ANKS3: variants seen among roughly 807,000 people sequenced by gnomAD.
The protein encoded by ANKS3 is ankyrin repeat and sterile alpha motif domain containing 3.
A neutral mutation model predicts 80.7 loss-of-function variants in ANKS3; 62 were observed. The ratio of observed to expected loss-of-function variants is 0.77; its 90% CI spans 0.63 to 0.95. ANKS3 has a LOEUF of 0.95. ANKS3 is among the 40% of genes least tolerant of loss of function. The pLI is 0.00. For missense variants in ANKS3, 1,150 were observed against 883.6 expected, an observed-to-expected ratio of 1.30 and a Z score of -3.82; for synonymous variants, 489 against 355.3, an observed-to-expected ratio of 1.38 and a Z score of -4.23.
chr16:4,714,495 T>C (rs1201556793), intron 6 of ANKS3, among the ~76,000 whole-genome samples: 2 of 152,250 alleles, frequency 1.3e-5, no homozygotes, highest in Non-Finnish European at 2.9e-5. Flanking sequence ...CTTCTGCGCC[T>C]GGGCTGTGTC....
At chr16:4,705,612 G>A (rs902117172) in intron 7 of ANKS3, among the ~76,000 whole-genome samples, 4 of 152,100 alleles carry the variant, frequency 2.6e-5, no homozygotes, top group East Asian at 1.9e-4. Flanking sequence ...TTACAGATGC[G>A]TGCCACCATG....
rs182492318 is a variant in ANKS3 at position 4,724,011 on chromosome 16, G to A, written c.573+739C>T. 2.6e-3 allele frequency among the ~76,000 whole-genome samples: 403 copies of A among 152,250 alleles called. 3 individuals are homozygous for A. Among genetic ancestry groups the A allele is most frequent in the African/African-American group, 9.0e-3 (375 of 41,530 alleles). On this transcript the variant is annotated intron_variant, in intron 6 of 17. Coordinates refer to ENST00000304283, the MANE Select transcript of ANKS3 (RefSeq NM_133450.4). The stretch of plus-strand genomic sequence containing the variant: ...GGAGGCTGAAGCTGCAGTGAGCCAC[G>A]ATCTCGCCACTGAACTCCAGCCTGG...
chr16:4,699,234 T>A (rs913411812), intron 11 of ANKS3, 58 bp from the exon 12 acceptor site: 2 of 1,590,132 alleles, frequency 1.3e-6, no homozygotes, highest in Non-Finnish European at 1.7e-6. Context: ...AGCAGAGACG[T>A]TTTCCTCCAC....
At position 4,730,038 on chromosome 16, in the gene ANKS3, C is replaced by A; in HGVS notation, c.112G>T (p.Asp38Tyr). Residue 38 changes from aspartate (D) to tyrosine (Y), a missense_variant, in exon 3 of 18, where the codon GAT becomes TAT. By Grantham distance (160) the Asp-to-Tyr change is radical (BLOSUM62 -3). Coordinates refer to ENST00000304283, the MANE Select transcript of ANKS3 (RefSeq NM_133450.4). Reference sequence around the variant, plus strand: ...CCAATGGAAGCAGCTGTGTGAAGATCCAGGGGGACATCCAGCTCCTCCCCG... The same window carrying A: ...CCAATGGAAGCAGCTGTGTGAAGATACAGGGGGACATCCAGCTCCTCCCCG... ...VSGEELDVPL[D>Y]LHTAASIGQY... 1 of 1,588,780 alleles carries A rather than the reference C, an allele frequency of 6.3e-7. No individual in the cohort carries two copies. The highest frequency in any genetic ancestry group is 8.6e-7 in the Non-Finnish European group (1 of 1,164,662).
chr16:4,714,141 T>A lies in ANKS3; in HGVS notation c.619A>T (p.Met207Leu). 6.2e-7 allele frequency: 1 copy of A among 1,614,150 alleles called. No homozygotes were observed. Among genetic ancestry groups the A allele is most frequent in the Non-Finnish European group, 8.5e-7 (1 of 1,180,020 alleles). ...ATGTGTCCGTACTGCTTGGCCAGCA[T>A]CCGGGCTGTGGCTCCACTGTGGTCT... ...ARDHSGATARMLAKQYGHMKI... is the reference protein window; with the variant it reads ...ARDHSGATARLLAKQYGHMKI... Residue 207 changes from methionine to leucine, a missense_variant, in exon 7 of 18, where the codon ATG (methionine) becomes TTG (leucine). Met to Leu is a conservative substitution (Grantham distance 15, BLOSUM62 2). Coordinates refer to ENST00000304283, the MANE Select transcript of ANKS3 (RefSeq NM_133450.4).
Position 4,699,123 on chromosome 16 carries a change from A to T in ANKS3, c.1338T>A (p.Phe446Leu), listed in dbSNP as rs144602666. ...QIGCLKYLQV[F>L]EEQDVDLRIF... Reference sequence around the variant, plus strand: ...TGCGGAGGTCCACGTCCTGCTCCTCAAACACCTGCAGGTACTTCAGACACC... The same window carrying T: ...TGCGGAGGTCCACGTCCTGCTCCTCTAACACCTGCAGGTACTTCAGACACC... The change falls in exon 12 of 18, where the codon TTT becomes TTA. Residue 446 changes from phenylalanine to leucine, a missense_variant. Transcript: ENST00000304283. 6 of 1,613,938 alleles carry T rather than the reference A, an allele frequency of 3.7e-6. No homozygotes were observed. The Admixed American group carries it at 1.0e-4, about 27-fold the overall frequency.
chr16:4,732,925 T>C (rs1254320227), intron 1 of ANKS3, among the ~76,000 whole-genome samples: 3 of 152,008 alleles, frequency 2.0e-5, no homozygotes, highest in Non-Finnish European at 4.4e-5. Context: ...TGCAAAAACA[T>C]GGATGGAAGC....
chr16:4,707,886 G>A (rs1473117616), intron 7 of ANKS3, among the ~76,000 whole-genome samples: 2 of 152,002 alleles, frequency 1.3e-5, no homozygotes, highest in Non-Finnish European at 2.9e-5. Flanking sequence ...CGAGGTGGGC[G>A]GATCACTTGA....
chr16:4,714,130 C>T lies in ANKS3; in HGVS notation c.630G>A (p.Lys210=). ...CCACGATCTTCATGTGTCCGTACTGCTTGGCCAGCATCCGGGCTGTGGCTC... is the reference window on the plus strand; with the variant it reads ...CCACGATCTTCATGTGTCCGTACTGTTTGGCCAGCATCCGGGCTGTGGCTC... ...HSGATARMLA[K]QYGHMKIVAL... is the part of the protein sequence containing the mutation. The change falls in exon 7 of 18, where the codon AAG becomes AAA. Residue 210 remains lysine, a synonymous_variant. Coordinates refer to ENST00000304283, the MANE Select transcript of ANKS3 (RefSeq NM_133450.4). 1.9e-6 allele frequency: 3 copies of T among 1,614,188 alleles called. No individual in the cohort carries two copies. The highest frequency in any genetic ancestry group is 2.5e-6 in the Non-Finnish European group (3 of 1,180,036).
At chr16:4,721,002 A>T (rs1164791079) in intron 6 of ANKS3, among the ~76,000 whole-genome samples, 17 of 122,314 alleles carry the variant, frequency 1.4e-4, no homozygotes, top group Admixed American at 2.5e-4. Context: ...ATGCCACCAT[A>T]AAAAAAAAAA....
At chr16:4,732,058 C>T (rs1323315771) in intron 1 of ANKS3, among the ~76,000 whole-genome samples, 1 of 152,160 alleles carries the variant, frequency 6.6e-6, no homozygotes, top group East Asian at 1.9e-4. Flanking sequence ...AGGTGACAGC[C>T]AAGATGGCTA....
intron 13 of ANKS3, 36 bp from the exon 14 acceptor site, chr16:4,698,635 G>C: frequency 6.5e-7 from 1 of 1,535,720 alleles, no homozygotes; most frequent in Non-Finnish European, 8.7e-7. Flanking sequence ...AGGCTGGGAG[G>C]TGGCCGGTCA....
intron 3 of ANKS3, among the ~76,000 whole-genome samples, chr16:4,729,081 G>C (rs1025284914): frequency 2.6e-5 from 4 of 152,232 alleles, no homozygotes; most frequent in Admixed American, 1.3e-4. Context: ...TGGAACATAA[G>C]GGGGTGGAAG....
rs947237286 is a variant in ANKS3, at chr16:4,696,750, C to T, written c.*158G>A. 1.5e-5 allele frequency: 8 copies of T among 536,500 alleles called. No individual in the cohort carries two copies. Among genetic ancestry groups the T allele is most frequent in the African/African-American group, 7.6e-5 (4 of 52,394 alleles). 33.2% of individuals were successfully genotyped at this position (536,500 alleles called of 1,614,324 possible). On this transcript the variant is annotated 3_prime_UTR_variant, in exon 18 of 18. Coordinates refer to ENST00000304283, the MANE Select transcript of ANKS3 (RefSeq NM_133450.4). Reference sequence around the variant, plus strand: ...GCTGCCGAGCCAGGGCCGCAGCCCCCGTCTTGCCTCTGTCTGCCGGCTGCT... The same window carrying T: ...GCTGCCGAGCCAGGGCCGCAGCCCCTGTCTTGCCTCTGTCTGCCGGCTGCT...
intron 1 of ANKS3, among the ~76,000 whole-genome samples, chr16:4,732,607 G>A (rs1466432238): frequency 1.3e-5 from 2 of 151,298 alleles, no homozygotes; most frequent in African/African-American, 4.8e-5. Context: ...GCTTGAGCCT[G>A]GGAGGCGATT....
Position 4,698,949 on chromosome 16 carries a change from G to A in ANKS3, c.1410-8C>T. The A allele has an allele frequency of 6.2e-7, 1 of 1,605,900 alleles. No homozygotes were observed. Among genetic ancestry groups the A allele is most frequent in the Non-Finnish European group, 8.5e-7 (1 of 1,174,520 alleles). On this transcript the variant is annotated splice_polypyrimidine_tract_variant and splice_region_variant and intron_variant, in intron 12 of 17. Transcript: ENST00000304283. ...CTCTTGGGCCCAAACAGCCTGCGGG[G>A]GGAATGTGACCAGGATATGCCTCAG...
At chr16:4,723,189 C>G (rs1244195313) in intron 6 of ANKS3, among the ~76,000 whole-genome samples, 1 of 152,188 alleles carries the variant, frequency 6.6e-6, no homozygotes, top group Non-Finnish European at 1.5e-5. Flanking sequence ...ACCAACAAGT[C>G]ACCCACTTAC....
At chr16:4,730,382 A>G (rs576122674) in intron 2 of ANKS3, 2 of 375,546 alleles carry the variant, frequency 5.3e-6, no homozygotes, top group South Asian at 1.2e-4. Context: ...AGGAGCACAT[A>G]TGGTGAGGCA....
intron 14 of ANKS3, 54 bp from the exon 15 acceptor site, chr16:4,698,116 G>GC: frequency 6.6e-7 from 1 of 1,525,626 alleles, no homozygotes; most frequent in African/African-American, 1.4e-5. Flanking sequence ...CCGCTGCAGA[G>GC]CCCCCACCTC....
Sources: gnomAD v4.1 joint callset for allele counts (sites outside exome capture counted in the v4.1 genomes callset) on GRCh38, gnomAD v4.1.1 for gene constraint, MANE v1.5 for transcripts, NCBI Gene and HGNC (gene_info 2026-07-23, HGNC 2026-07-21) for gene names.